The following CPVL variants were observed in gnomAD, a reference collection of about 807,000 sequenced individuals.
CPVL encodes probable serine carboxypeptidase CPVL.
A neutral mutation model predicts 63.7 loss-of-function variants in CPVL; 51 were observed. That is an observed-to-expected ratio of 0.80 (90% CI 0.64 to 1.01). CPVL has a LOEUF of 1.01. Ranked by LOEUF, CPVL falls within the 50% of genes least tolerant of loss-of-function variation. CPVL has a pLI of 0.00. For missense variants in CPVL, 530 were observed against 573.1 expected, an observed-to-expected ratio of 0.92 and a Z score of 0.77; for synonymous variants, 195 against 206.0, an observed-to-expected ratio of 0.95 and a Z score of 0.46.
At chr7:29,144,788 T>C (rs912928031) in intron 1 of CPVL, among the ~76,000 whole-genome samples, 1 of 152,184 alleles carries the variant, frequency 6.6e-6, no homozygotes, top group African/African-American at 2.4e-5. Flanking sequence ...TTCTTGTTTT[T>C]ATTTTTTGTG....
chr7:29,107,040 A>G (rs902315235), intron 3 of CPVL, among the ~76,000 whole-genome samples: 1 of 152,180 alleles, frequency 6.6e-6, no homozygotes, highest in African/African-American at 2.4e-5. Context: ...GTTGGTACCC[A>G]CTGGAGGGTG....
intron 12 of CPVL, among the ~76,000 whole-genome samples, chr7:29,027,737 A>T (rs1289236421): frequency 6.6e-6 from 1 of 152,216 alleles, no homozygotes; most frequent in Admixed American, 6.5e-5. Context: ...CAATAGCTAC[A>T]AAAGAAATAA....
chr7:29,014,121 GGGA>G (rs1786141341), intron 12 of CPVL, among the ~76,000 whole-genome samples: 1 of 152,166 alleles, frequency 6.6e-6, no homozygotes, highest in Non-Finnish European at 1.5e-5. Flanking sequence ...CTCTCTGGCT[GGGA>G]GGTGGGGTGT....
chr7:29,103,719 T>A (rs1020488881), intron 3 of CPVL, among the ~76,000 whole-genome samples: 3 of 152,152 alleles, frequency 2.0e-5, no homozygotes, highest in Non-Finnish European at 2.9e-5. Flanking sequence ...TTTCTTCCTA[T>A]CTCCAATAAG....
chr7:29,031,343 G>C (rs1788006134), intron 11 of CPVL, among the ~76,000 whole-genome samples: 1 of 152,124 alleles, frequency 6.6e-6, no homozygotes, highest in South Asian at 2.1e-4. Context: ...TTAAAAATAT[G>C]ATAGCTGCTT....
intron 2 of CPVL, among the ~76,000 whole-genome samples, chr7:29,115,329 T>C (rs6959505): frequency 6.6e-6 from 1 of 151,648 alleles, no homozygotes; most frequent in Non-Finnish European, 1.5e-5. Context: ...CAACCTCTGT[T>C]GGTCTTCACA....
In CPVL at chr7:29,022,984, G is replaced by A. The variant is rs112567292; in HGVS notation, c.1320+7593C>T. Among the ~76,000 whole-genome samples the A allele has an allele frequency of 6.2e-3, 937 of 152,346 alleles. 3 individuals are homozygous for A. Among genetic ancestry groups the A allele is most frequent in the African/African-American group, 0.015 (642 of 41,584 alleles). On this transcript the variant is annotated intron_variant, in intron 12 of 12. Coordinates refer to ENST00000265394, the MANE Select transcript of CPVL (RefSeq NM_031311.5). ...CCCAGCCTGTTGCCATCACCTCCAC[G>A]AGCAGTCACCTGTATATGTACCACC... is the stretch of plus-strand genomic sequence containing the variant.
intron 1 of CPVL, among the ~76,000 whole-genome samples, chr7:29,188,110 C>T (rs760018016): frequency 1.8e-4 from 28 of 152,182 alleles, no homozygotes; most frequent in Non-Finnish European, 3.7e-4. Context: ...CTTTAATTCT[C>T]ACAGATTACT....
At chr7:29,074,839 CT>C (rs1262093831) in intron 7 of CPVL, among the ~76,000 whole-genome samples, 1 of 150,430 alleles carries the variant, frequency 6.6e-6, no homozygotes, top group Non-Finnish European at 1.5e-5. Flanking sequence ...AAAACTTGCC[CT>C]CATAAAGGTC....
intron 9 of CPVL, among the ~76,000 whole-genome samples, chr7:29,070,181 C>T (rs924900608): frequency 1.3e-5 from 2 of 152,136 alleles, no homozygotes; most frequent in African/African-American, 2.4e-5. Flanking sequence ...CTTGGGGTTC[C>T]GGTTTCTGAC....
At chr7:29,112,422 G>T (rs1423328098) in intron 3 of CPVL, among the ~76,000 whole-genome samples, 1 of 152,122 alleles carries the variant, frequency 6.6e-6, no homozygotes, top group Non-Finnish European at 1.5e-5. Context: ...ATGATAGGAA[G>T]AAGACTGTGG....
intron 5 of CPVL, among the ~76,000 whole-genome samples, chr7:29,161,452 C>T (rs1343791951): frequency 6.6e-6 from 1 of 152,154 alleles, no homozygotes; most frequent in East Asian, 1.9e-4. Flanking sequence ...CAGCTGGACC[C>T]CCTCTACTTA....
chr7:29,066,000 T>C (rs1783099561), intron 10 of CPVL, 23 bp downstream of exon 10: 1 of 1,408,602 alleles, frequency 7.1e-7, no homozygotes. Context: ...CAAACATTAT[T>C]ATGGTTTTTA....
At chr7:29,115,992 G>C (rs1047868789) in intron 2 of CPVL, among the ~76,000 whole-genome samples, 1 of 152,114 alleles carries the variant, frequency 6.6e-6, no homozygotes, top group African/African-American at 2.4e-5. Context: ...TCCCTCCTAG[G>C]TCAGGAGGTT....
chr7:29,186,988 G>A (rs1423936186), intron 1 of CPVL, among the ~76,000 whole-genome samples: 1 of 152,124 alleles, frequency 6.6e-6, no homozygotes, highest in Non-Finnish European at 1.5e-5. Context: ...GGAAAATGAG[G>A]ATAACAATTC....
chr7:29,162,771 A>G (rs541245454), intron 5 of CPVL, among the ~76,000 whole-genome samples: 1 of 152,344 alleles, frequency 6.6e-6, no homozygotes, highest in South Asian at 2.1e-4. Flanking sequence ...ACAAAGTTGC[A>G]GAGAAAACAG....
chr7:29,034,319 C>T (rs950149595), intron 11 of CPVL, among the ~76,000 whole-genome samples: 1 of 152,146 alleles, frequency 6.6e-6, no homozygotes, highest in Non-Finnish European at 1.5e-5. Flanking sequence ...GTTGCCCAGG[C>T]TGGTCTTGAA....
At chr7:29,145,620 A>C (rs1173087455) in intron 1 of CPVL, among the ~76,000 whole-genome samples, 1 of 152,016 alleles carries the variant, frequency 6.6e-6, no homozygotes, top group Non-Finnish European at 1.5e-5. Context: ...GGAAAATTAC[A>C]CTTAGCTGAA....
At chr7:29,006,337 C>T (rs1785193278) in intron 12 of CPVL, among the ~76,000 whole-genome samples, 1 of 152,204 alleles carries the variant, frequency 6.6e-6, no homozygotes. Context: ...CATTCTTCTT[C>T]TTTCCAACGT....
Sources: allele counts gnomAD v4.1 joint callset (sites outside exome capture counted in the v4.1 genomes callset), GRCh38; gene constraint gnomAD v4.1.1; transcripts MANE v1.5; gene names NCBI Gene and HGNC (gene_info 2026-07-23, HGNC 2026-07-21).